Variants in CPAMD8 observed in about 807,000 individuals in gnomAD.
CPAMD8 encodes C3 and PZP-like alpha-2-macroglobulin domain-containing protein 8.
CPAMD8 carries 146 observed loss-of-function variants against 224.7 expected under a neutral mutation model. The observed-to-expected ratio is 0.65, with a 90% CI of 0.57 to 0.75. The LOEUF is 0.75. CPAMD8 is among the 30% of genes least tolerant of loss of function. CPAMD8 has a pLI of 0.00. For synonymous variants in CPAMD8, 966 were observed against 1,044.6 expected, an observed-to-expected ratio of 0.92 and a Z score of 1.45; for missense variants, 2,301 against 2,537.5, an observed-to-expected ratio of 0.91 and a Z score of 2.00.
rs549095346 is a variant in CPAMD8 at position 16,899,353 on chromosome 19, G to A, written c.4848+122C>T. 377 of 633,482 alleles carry A rather than the reference G, an allele frequency of 6.0e-4. No homozygotes were observed. The highest frequency in any genetic ancestry group is 8.6e-4 in the Non-Finnish European group (294 of 341,548). 39.2% of individuals were successfully genotyped at this position (633,482 alleles called of 1,614,324 possible). On this transcript the variant is annotated intron_variant, in intron 37 of 41. Coordinates refer to ENST00000443236, the MANE Select transcript of CPAMD8 (RefSeq NM_015692.5). The surrounding 1 kb of genome is among the most constrained non-coding windows in gnomAD (Gnocchi z 5.4). Reference sequence around the variant, plus strand: ...ATTACAGGCATGAGCCACCATGCCCGGCCCCAGTGTCTTTTTTATGGTACA... The same window carrying A: ...ATTACAGGCATGAGCCACCATGCCCAGCCCCAGTGTCTTTTTTATGGTACA...
At chr19:16,989,607 G>A (rs373053019) in intron 13 of CPAMD8, 36 bp downstream of exon 13, 128 of 1,600,454 alleles carry the variant, frequency 8.0e-5, no homozygotes, top group Middle Eastern at 3.6e-4. Flanking sequence ...TTTGGATCCC[G>A]CATGGCCCAG....
chr19:16,962,124 G>A (rs145384248), intron 18 of CPAMD8, among the ~76,000 whole-genome samples: 45 of 152,304 alleles, frequency 3.0e-4, no homozygotes, highest in Middle Eastern at 3.4e-3. Flanking sequence ...AAACCTGCGC[G>A]CCTCTTCTCC....
intron 41 of CPAMD8, chr19:16,894,380 C>T (rs2051876839): frequency 2.2e-6 from 1 of 456,478 alleles, no homozygotes; most frequent in African/African-American, 2.0e-5. Flanking sequence ...CAGGATGCAG[C>T]CAGATGGTGT....
chr19:16,943,722 T>TA (rs2053980790), intron 22 of CPAMD8, among the ~76,000 whole-genome samples: 1 of 152,198 alleles, frequency 6.6e-6, no homozygotes, highest in East Asian at 1.9e-4. Context: ...AGTTGACTGT[T>TA]ATAAATGCCT....
At chr19:17,008,649 T>C (rs943874773) in intron 6 of CPAMD8, 90 bp from the exon 7 acceptor site, 2 of 1,395,014 alleles carry the variant, frequency 1.4e-6, no homozygotes, top group Non-Finnish European at 2.0e-6. Flanking sequence ...GTCCTCTCTC[T>C]TGGGCATGTC....
intron 27 of CPAMD8, among the ~76,000 whole-genome samples, chr19:16,921,016 G>C (rs1024505063): frequency 6.6e-6 from 1 of 152,052 alleles, no homozygotes; most frequent in African/African-American, 2.4e-5. Context: ...TTGCTAAGAC[G>C]TGATTGGGGC....
intron 3 of CPAMD8, among the ~76,000 whole-genome samples, chr19:17,019,272 G>A (rs757111040): frequency 1.6e-4 from 24 of 151,866 alleles, no homozygotes; most frequent in Admixed American, 2.6e-4. Context: ...ACAGGTGTGC[G>A]CCACCATGCC....
At chr19:16,934,488 T>A (rs980042820) in intron 23 of CPAMD8, among the ~76,000 whole-genome samples, 1 of 152,164 alleles carries the variant, frequency 6.6e-6, no homozygotes, top group Non-Finnish European at 1.5e-5. Context: ...TGCTCCATAA[T>A]GGTTAAATTA....
intron 17 of CPAMD8, among the ~76,000 whole-genome samples, chr19:16,972,519 G>A (rs944973121): frequency 2.6e-5 from 4 of 151,784 alleles, no homozygotes; most frequent in Admixed American, 6.6e-5. Flanking sequence ...TGTAAGCTCC[G>A]CCTCCCAGGT....
chr19:16,989,788 C>T lies in CPAMD8; in HGVS notation c.1267-17G>A, dbSNP rs990571771. On this transcript the variant is annotated splice_polypyrimidine_tract_variant and intron_variant, in intron 12 of 41. Transcript: ENST00000443236. ...CACCTTGGTCTGAGAAGAGAAGATGCTTAGATCAACACCCGAGTGCCAAGA... is the reference window on the plus strand; with the variant it reads ...CACCTTGGTCTGAGAAGAGAAGATGTTTAGATCAACACCCGAGTGCCAAGA... 4 of 1,613,088 alleles carry T rather than the reference C, an allele frequency of 2.5e-6. No homozygotes were observed. Among genetic ancestry groups the T allele is most frequent in the East Asian group, 2.2e-5 (1 of 44,850 alleles).
intron 18 of CPAMD8, among the ~76,000 whole-genome samples, chr19:16,959,884 T>A (rs1436944492): frequency 6.6e-6 from 1 of 152,184 alleles, no homozygotes; most frequent in Non-Finnish European, 1.5e-5. Flanking sequence ...GGATGTAACT[T>A]GTTAACTCTT....
At chr19:17,010,438 CTA>C (rs1187961684) in intron 5 of CPAMD8, among the ~76,000 whole-genome samples, 1 of 152,042 alleles carries the variant, frequency 6.6e-6, no homozygotes, top group Non-Finnish European at 1.5e-5. Flanking sequence ...GACAGTTTCG[CTA>C]TGTTGCCCAG....
chr19:16,963,260 G>A (rs1474178019), intron 18 of CPAMD8, among the ~76,000 whole-genome samples: 6 of 152,172 alleles, frequency 3.9e-5, no homozygotes. Context: ...ATTGGATAAA[G>A]AGTCAAGACC....
chr19:16,925,721 T>C (rs2144932778), intron 25 of CPAMD8, among the ~76,000 whole-genome samples: 1 of 152,240 alleles, frequency 6.6e-6, no homozygotes, highest in Non-Finnish European at 1.5e-5. Context: ...GGTATGTCTA[T>C]ACAATCATTC....
At position 16,898,046 on chromosome 19, in the gene CPAMD8, G is replaced by A. The variant is rs1164078319; in HGVS notation, c.4849-52C>T. The A allele has an allele frequency of 2.9e-6, 4 of 1,367,114 alleles. No homozygotes were observed. The highest frequency in any genetic ancestry group is 3.0e-6 in the Non-Finnish European group (3 of 988,694). The allele number at this position is 1,367,114 out of a possible 1,614,324, so 84.7% of individuals were successfully genotyped here. A position where few individuals can be genotyped will look rare whatever the true frequency, so the allele number is the denominator to read the frequency against. On this transcript the variant is annotated intron_variant, in intron 37 of 41. Coordinates refer to ENST00000443236, the MANE Select transcript of CPAMD8 (RefSeq NM_015692.5). This position sits in a 1 kb window ranked among gnomAD's most constrained non-coding sequence, Gnocchi z 4.2. ...CGACCCGGGCCAGGAGGCCCGGGGCGCTGAGCTCAGGCCCAGAACTGGCTG... is the reference window on the plus strand; with the variant it reads ...CGACCCGGGCCAGGAGGCCCGGGGCACTGAGCTCAGGCCCAGAACTGGCTG...
At position 16,989,740 on chromosome 19, in the gene CPAMD8, A is replaced by T. The variant is rs61744414; in HGVS notation, c.1298T>A (p.Val433Glu). Reference protein sequence around the residue: ...TKVMALNGKPVGAQYLPSYLS... With the variant: ...TKVMALNGKPEGAQYLPSYLS... ...GTAGCTGGGCAGGTACTGAGCCCCC[A>T]CAGGCTTCCCGTTCAGTGCCATCAC... The change falls in exon 13 of 42, where the codon GTG becomes GAG. Residue 433 changes from valine (V) to glutamate (E), a missense_variant. This residue lies in a region of CPAMD8 where 301 missense variants were observed against 406.6 expected (regional missense o/e 0.74). Transcript: ENST00000443236. 28,517 of 1,613,976 alleles carry T rather than the reference A, an allele frequency of 0.018. 315 individuals are homozygous for T. Among genetic ancestry groups the T allele is most frequent in the South Asian group, 0.022 (1,985 of 91,058 alleles).
intron 18 of CPAMD8, among the ~76,000 whole-genome samples, chr19:16,959,997 A>G (rs2054599088): frequency 1.3e-5 from 2 of 152,282 alleles, no homozygotes; most frequent in South Asian, 4.1e-4. Flanking sequence ...TCCTGGATGC[A>G]GAAGGGATAA....
chr19:16,990,252 C>T (rs1318448882), intron 12 of CPAMD8, among the ~76,000 whole-genome samples: 1 of 145,834 alleles, frequency 6.9e-6, no homozygotes, highest in Non-Finnish European at 1.5e-5. Flanking sequence ...GACTCTGACT[C>T]AAAAAAAAAA....
intron 29 of CPAMD8, among the ~76,000 whole-genome samples, 171 bp from the exon 30 acceptor site, chr19:16,907,288 CCTTTCTTTT>C (rs1171708789): frequency 1.4e-5 from 2 of 147,278 alleles, no homozygotes; most frequent in African/African-American, 5.0e-5. Flanking sequence ...AACCCCATCT[CCTTTCTTTT>C]CTTTCTTGCC....
Sources: gnomAD v4.1 joint callset for allele counts (sites outside exome capture counted in the v4.1 genomes callset) on GRCh38, gnomAD v4.1.1 for gene constraint, gnomAD v4.1.1 regional missense constraint, Gnocchi (gnomAD v3.1) non-coding constraint, MANE v1.5 for transcripts, NCBI Gene and HGNC (gene_info 2026-07-23, HGNC 2026-07-21) for gene names.